Variants in NXPH1 observed in about 807,000 individuals in gnomAD.
NXPH1 encodes neurexophilin-1.
Under a neutral mutation model 23.7 loss-of-function variants are expected in NXPH1, and 5 were observed. The observed-to-expected ratio is 0.21, with a 90% confidence interval of 0.11 to 0.44. The LOEUF (loss-of-function observed/expected upper bound fraction) is 0.44. Among genes scored for constraint, NXPH1 ranks in the 20% least tolerant of loss-of-function variants. The pLI is 0.99. For synonymous variants in NXPH1, 144 were observed against 122.2 expected (o/e 1.18, Z -1.18); for missense variants, 324 against 321.6 (o/e 1.01, Z -0.06).
At chr7:8,627,519 AG>A (rs1820019140) in intron 2 of NXPH1, among the ~76,000 whole-genome samples, 1 of 152,128 alleles carries the variant, frequency 6.6e-6, no homozygotes, top group Non-Finnish European at 1.5e-5. Context: ...GTAGGATCGC[AG>A]GGGGAGAAAG....
intron 2 of NXPH1, among the ~76,000 whole-genome samples, chr7:8,672,221 G>A (rs372246624): frequency 5.9e-5 from 9 of 151,970 alleles, no homozygotes; most frequent in Non-Finnish European, 8.8e-5. Context: ...GCAAACTATC[G>A]CAAGGACAAA....
chr7:8,563,468 T>G (rs926937952), intron 2 of NXPH1, among the ~76,000 whole-genome samples: 26 of 151,710 alleles, frequency 1.7e-4, no homozygotes, highest in African/African-American at 6.3e-4. Flanking sequence ...AAATATAAAC[T>G]TATGAAAGCA....
At chr7:8,642,399 CTTTCTT>C (rs1292284131) in intron 2 of NXPH1, among the ~76,000 whole-genome samples, 10 of 152,100 alleles carry the variant, frequency 6.6e-5, no homozygotes, top group African/African-American at 2.4e-4. Flanking sequence ...GCTTTTAAGA[CTTTCTT>C]TTTAAATCAC....
At chr7:8,587,539 G>T (rs576008938) in intron 2 of NXPH1, among the ~76,000 whole-genome samples, 50 of 152,052 alleles carry the variant, frequency 3.3e-4, no homozygotes, top group African/African-American at 1.2e-3. Flanking sequence ...AGAACGTACA[G>T]GTTTGTTACA....
At chr7:8,687,657 C>A (rs1329410309) in intron 2 of NXPH1, among the ~76,000 whole-genome samples, 1 of 152,098 alleles carries the variant, frequency 6.6e-6, no homozygotes, top group Non-Finnish European at 1.5e-5. Flanking sequence ...CCACACTGAT[C>A]ATAATTTTCT....
intron 2 of NXPH1, among the ~76,000 whole-genome samples, chr7:8,659,869 T>C (rs1820644899): frequency 6.6e-6 from 1 of 152,230 alleles, no homozygotes. Context: ...GCACAGCAGA[T>C]AGTCTCAGCT....
At chr7:8,592,958 C>G (rs897849870) in intron 2 of NXPH1, among the ~76,000 whole-genome samples, 3 of 151,838 alleles carry the variant, frequency 2.0e-5, no homozygotes, top group Admixed American at 6.6e-5. Context: ...CACCTGCTCT[C>G]CTCATTGTCC....
At chr7:8,504,073 G>T (rs1225749404) in intron 2 of NXPH1, among the ~76,000 whole-genome samples, 1 of 151,918 alleles carries the variant, frequency 6.6e-6, no homozygotes, top group Non-Finnish European at 1.5e-5. Context: ...TTCATTTCAG[G>T]GATGCATTAT....
chr7:8,735,676 C>G (rs967905203), intron 2 of NXPH1, among the ~76,000 whole-genome samples: 1 of 152,178 alleles, frequency 6.6e-6, no homozygotes, highest in Admixed American at 6.5e-5. Flanking sequence ...AGGACTCCCT[C>G]TTTTTCTGTT....
chr7:8,636,180 T>C (rs901930954), intron 2 of NXPH1, among the ~76,000 whole-genome samples: 2 of 152,188 alleles, frequency 1.3e-5, no homozygotes, highest in African/African-American at 4.8e-5. Context: ...AGGAGACTCT[T>C]TCACTCAATA....
intron 2 of NXPH1, among the ~76,000 whole-genome samples, chr7:8,613,442 C>G (rs531521854): frequency 3.3e-5 from 5 of 152,090 alleles, no homozygotes; most frequent in African/African-American, 9.6e-5. Context: ...TCATGCCAAA[C>G]TAACTTAATT....
chr7:8,543,631 ATTTC>A (rs1455029471), intron 2 of NXPH1, among the ~76,000 whole-genome samples: 1 of 151,546 alleles, frequency 6.6e-6, no homozygotes, highest in Non-Finnish European at 1.5e-5. Flanking sequence ...GAAAAAACAA[ATTTC>A]TTTAATGGAT....
intron 2 of NXPH1, among the ~76,000 whole-genome samples, chr7:8,567,079 A>C (rs1229320726): frequency 1.3e-5 from 2 of 151,846 alleles, no homozygotes; most frequent in African/African-American, 4.8e-5. Context: ...TTGCTTTTCT[A>C]CGAATCTTCA....
intron 2 of NXPH1, among the ~76,000 whole-genome samples, chr7:8,664,886 A>G (rs1013797223): frequency 5.9e-5 from 9 of 151,648 alleles, no homozygotes; most frequent in Admixed American, 3.9e-4. Flanking sequence ...TTTTTTTGCT[A>G]TTAAGTTGTT....
At chr7:8,502,934 A>T (rs1043690557) in intron 2 of NXPH1, among the ~76,000 whole-genome samples, 3 of 151,978 alleles carry the variant, frequency 2.0e-5, no homozygotes, top group African/African-American at 7.2e-5. Flanking sequence ...CATGATGCAC[A>T]AGGTAGTACT....
chr7:8,472,867 G>C (rs998031842), intron 2 of NXPH1, among the ~76,000 whole-genome samples: 6 of 152,164 alleles, frequency 3.9e-5, no homozygotes, highest in African/African-American at 1.4e-4. Flanking sequence ...TTAGCACCTA[G>C]TCCTGGCATT....
intron 2 of NXPH1, among the ~76,000 whole-genome samples, chr7:8,479,485 G>A (rs146773123): frequency 5.0e-4 from 76 of 152,198 alleles, no homozygotes; most frequent in African/African-American, 1.7e-3. Context: ...AACTCAAGAC[G>A]TCTTTCATAT....
chr7:8,444,403 C>G (rs1816361097), intron 2 of NXPH1, among the ~76,000 whole-genome samples: 1 of 152,174 alleles, frequency 6.6e-6, no homozygotes, highest in Non-Finnish European at 1.5e-5. Flanking sequence ...AGGGCCAGCC[C>G]GCTAGTTTTC....
At chr7:8,491,066 T>G (rs936955431) in intron 2 of NXPH1, among the ~76,000 whole-genome samples, 3 of 152,056 alleles carry the variant, frequency 2.0e-5, no homozygotes, top group African/African-American at 7.2e-5. Context: ...CATTTTTTTT[T>G]GCCTAATGTT....
Sources: gnomAD v4.1 joint callset for allele counts (sites outside exome capture counted in the v4.1 genomes callset) on GRCh38, gnomAD v4.1.1 for gene constraint, MANE v1.5 for transcripts, NCBI Gene and HGNC (gene_info 2026-07-23, HGNC 2026-07-21) for gene names.